The following RHBDL2 variants were observed in gnomAD, a reference collection of about 807,000 sequenced individuals.
RHBDL2 encodes the protein rhomboid like 2, also known as rhomboid-related protein 2.
A neutral mutation model predicts 31.7 loss-of-function variants in RHBDL2; 26 were observed. That is an observed-to-expected ratio of 0.82 (90% CI 0.60 to 1.14). The LOEUF (loss-of-function observed/expected upper bound fraction) is 1.14. Ranked by LOEUF, RHBDL2 falls within the 50% of genes most tolerant of loss-of-function variation. The pLI is 0.00. For synonymous variants in RHBDL2, 123 were observed against 127.2 expected (o/e 0.97, Z 0.22); for missense variants, 336 against 364.4 (o/e 0.92, Z 0.63).
intron 6 of RHBDL2, among the ~76,000 whole-genome samples, chr1:38,889,595 C>T (rs1320126495): frequency 2.6e-5 from 4 of 152,118 alleles, no homozygotes; most frequent in Non-Finnish European, 2.9e-5. Flanking sequence ...TAATTACCAT[C>T]GGGAGTTCTG....
intron 1 of RHBDL2, among the ~76,000 whole-genome samples, chr1:38,935,297 A>AATTGAG (rs1643486317): frequency 6.6e-6 from 1 of 152,260 alleles, no homozygotes; most frequent in Admixed American, 6.5e-5. Context: ...TCCCCATGAC[A>AATTGAG]ACTGGCTCAT....
chr1:38,900,948 T>C (rs182085667), intron 4 of RHBDL2, among the ~76,000 whole-genome samples: 24 of 150,996 alleles, frequency 1.6e-4, no homozygotes, highest in African/African-American at 5.4e-4. Flanking sequence ...CTTGGGAGGC[T>C]CAGGCAGGAG....
chr1:38,937,920 G>A (rs1643526828), intron 1 of RHBDL2, among the ~76,000 whole-genome samples: 1 of 151,986 alleles, frequency 6.6e-6, no homozygotes, highest in South Asian at 2.1e-4. Flanking sequence ...AGATAGGTGG[G>A]GACCCATCAG....
Position 38,886,438 on chromosome 1 carries a change from G to T in RHBDL2, c.*66C>A. ...TGAGACTTCTCTGTTTCTTCATAGA[G>T]TCTTCCTTTTTTTTTTATTTCCTCC... On this transcript the variant is annotated 3_prime_UTR_variant, in exon 8 of 8. Coordinates refer to ENST00000372990, the MANE Select transcript of RHBDL2 (RefSeq NM_017821.5). 2 of 1,243,522 alleles carry T rather than the reference G, an allele frequency of 1.6e-6. No individual in the cohort carries two copies. Among genetic ancestry groups the T allele is most frequent in the Non-Finnish European group, 2.2e-6 (2 of 914,586 alleles). The allele number at this position is 1,243,522 out of a possible 1,614,324, so 77.0% of individuals were successfully genotyped here.
chr1:38,927,743 AG>A (rs1213620221), intron 1 of RHBDL2, among the ~76,000 whole-genome samples: 3 of 152,174 alleles, frequency 2.0e-5, no homozygotes, highest in Admixed American at 2.0e-4. Flanking sequence ...AATAATAAAG[AG>A]GTACTAGAAT....
chr1:38,934,231 C>T (rs922559816), intron 1 of RHBDL2, among the ~76,000 whole-genome samples: 3 of 151,866 alleles, frequency 2.0e-5, no homozygotes, highest in African/African-American at 7.3e-5. Context: ...GCCTGTAATC[C>T]CAGCTACTCA....
At chr1:38,912,902 A>ATGTGTG (rs1429297199) in intron 3 of RHBDL2, among the ~76,000 whole-genome samples, 2 of 36,416 alleles carry the variant, frequency 5.5e-5, no homozygotes, top group African/African-American at 1.3e-4. Flanking sequence ...ATATATATAT[A>ATGTGTG]TATATATATG....
At chr1:38,922,342 A>G (rs1643326018) in intron 1 of RHBDL2, among the ~76,000 whole-genome samples, 1 of 120,500 alleles carries the variant, frequency 8.3e-6, no homozygotes, top group African/African-American at 3.6e-5. Flanking sequence ...ATCACGGCTC[A>G]TTGCAGCCTC....
chr1:38,907,171 G>T (rs9438989), intron 4 of RHBDL2, among the ~76,000 whole-genome samples: 29 of 152,028 alleles, frequency 1.9e-4, no homozygotes, highest in Non-Finnish European at 3.7e-4. Flanking sequence ...TCCTTTCAAC[G>T]AATTATTCTA....
intron 3 of RHBDL2, among the ~76,000 whole-genome samples, chr1:38,914,746 C>T (rs1457987106): frequency 1.3e-5 from 2 of 151,696 alleles, no homozygotes; most frequent in Non-Finnish European, 1.5e-5. Flanking sequence ...AGTATACTGG[C>T]CTTAAGGGCA....
chr1:38,895,896 C>G, intron 5 of RHBDL2, 73 bp downstream of exon 5: 1 of 918,410 alleles, frequency 1.1e-6, no homozygotes, highest in South Asian at 1.5e-5. Context: ...AATGAAGGTT[C>G]GTTGAAACAA....
intron 4 of RHBDL2, among the ~76,000 whole-genome samples, chr1:38,904,500 A>C (rs1415394558): frequency 4.6e-5 from 7 of 151,458 alleles, no homozygotes; most frequent in African/African-American, 1.7e-4. Flanking sequence ...AAATTATTTG[A>C]TATGACACTA....
At chr1:38,934,955 C>G (rs939534330) in intron 1 of RHBDL2, among the ~76,000 whole-genome samples, 4 of 24,362 alleles carry the variant, frequency 1.6e-4, no homozygotes, top group African/African-American at 4.0e-4. Context: ...TAGGCTCAGT[C>G]GCAAAAAAAA....
At position 38,915,442 on chromosome 1, in the gene RHBDL2, G is replaced by A. The variant is rs1342830050; in HGVS notation, c.395+120C>T. ...AGTGGGAGCAATACCTACCCCTTAG[G>A]GTTGCTGTGAAGATTATGGACATGA... On this transcript the variant is annotated intron_variant, in intron 3 of 7. Transcript: ENST00000372990. 3 of 976,472 alleles carry A rather than the reference G, an allele frequency of 3.1e-6. No individual in the cohort carries two copies. In the African/African-American group the frequency reaches 4.8e-5, roughly 16 times the overall value. The allele number at this position is 976,472 out of a possible 1,614,324, so 60.5% of individuals were successfully genotyped here. A position where few individuals can be genotyped will look rare whatever the true frequency, so the allele number is the denominator to read the frequency against.
intron 1 of RHBDL2, among the ~76,000 whole-genome samples, chr1:38,920,965 T>C (rs902164176): frequency 1.3e-5 from 2 of 152,086 alleles, no homozygotes; most frequent in African/African-American, 2.4e-5. Flanking sequence ...CATATACCTA[T>C]GAGTGGAATT....
At chr1:38,937,776 A>G (rs1307029227) in intron 1 of RHBDL2, among the ~76,000 whole-genome samples, 2 of 152,178 alleles carry the variant, frequency 1.3e-5, no homozygotes, top group Admixed American at 1.3e-4. Flanking sequence ...CCAAACTTTT[A>G]TTAGGAGGAA....
chr1:38,889,961 G>A (rs1214865779), intron 6 of RHBDL2, among the ~76,000 whole-genome samples: 1 of 152,070 alleles, frequency 6.6e-6, no homozygotes, highest in Non-Finnish European at 1.5e-5. Context: ...AATTGAGGTC[G>A]AGGAAATATT....
At chr1:38,924,775 CT>C (rs1643355230) in intron 1 of RHBDL2, among the ~76,000 whole-genome samples, 1 of 133,198 alleles carries the variant, frequency 7.5e-6, no homozygotes, top group African/African-American at 3.1e-5. Flanking sequence ...AAAGAGATTT[CT>C]TTTTTCTTTT....
At chr1:38,894,024 C>T (rs1373764802) in intron 5 of RHBDL2, among the ~76,000 whole-genome samples, 1 of 152,122 alleles carries the variant, frequency 6.6e-6, no homozygotes, top group Non-Finnish European at 1.5e-5. Flanking sequence ...AACTCTCTTC[C>T]CAAGGAGTAA....
Sources: gnomAD v4.1 joint callset for allele counts (sites outside exome capture counted in the v4.1 genomes callset) on GRCh38, gnomAD v4.1.1 for gene constraint, MANE v1.5 for transcripts, NCBI Gene and HGNC (gene_info 2026-07-23, HGNC 2026-07-21) for gene names.